AP1M1: variants seen among roughly 807,000 people sequenced by gnomAD.
AP1M1 encodes AP-1 complex subunit mu-1.
Under a neutral mutation model 57.1 loss-of-function variants are expected in AP1M1, and 18 were observed. The observed-to-expected ratio is 0.32, with a 90% confidence interval of 0.22 to 0.47. The LOEUF is 0.47. Ranked by LOEUF, AP1M1 falls within the 20% of genes least tolerant of loss-of-function variation. The pLI, the probability that AP1M1 is intolerant of heterozygous loss-of-function variation, is 1.00. For missense variants in AP1M1, 362 were observed against 593.5 expected, an observed-to-expected ratio of 0.61 and a Z score of 4.05; for synonymous variants, 241 against 237.9, an observed-to-expected ratio of 1.01 and a Z score of -0.12.
chr19:16,201,665 T>C (rs957001369), intron 1 of AP1M1, among the ~76,000 whole-genome samples: 2 of 152,206 alleles, frequency 1.3e-5, no homozygotes, highest in Admixed American at 1.3e-4. Flanking sequence ...CCCAAAGTGC[T>C]GGGATTACAG....
At position 16,227,497 on chromosome 19, in the gene AP1M1, G is replaced by T. The variant is rs1240779538; in HGVS notation, c.674-51G>T. The T allele has an allele frequency of 5.0e-6, 8 of 1,591,316 alleles. No homozygotes were observed. Among genetic ancestry groups the T allele is most frequent in the Non-Finnish European group, 6.0e-6 (7 of 1,162,260 alleles). ...TTGCAGGTGGTAGGAGTACTGCTGA[G>T]ATAGTGACCCGGAGGGCCCAGATCT... On this transcript the variant is annotated intron_variant, in intron 6 of 11. Coordinates refer to ENST00000291439, the MANE Select transcript of AP1M1 (RefSeq NM_032493.4). The surrounding 1 kb of genome is among the most constrained non-coding windows in gnomAD (Gnocchi z 6.2).
chr19:16,199,163 C>G (rs2091437296), intron 1 of AP1M1, among the ~76,000 whole-genome samples: 2 of 152,052 alleles, frequency 1.3e-5, no homozygotes, highest in African/African-American at 4.8e-5. Context: ...GGATACCCAT[C>G]TCCAAAAACA....
intron 1 of AP1M1, among the ~76,000 whole-genome samples, chr19:16,199,541 G>C (rs2091438648): frequency 6.6e-6 from 1 of 152,194 alleles, no homozygotes; most frequent in Admixed American, 6.5e-5. Context: ...AGGCGGGCAG[G>C]GGTGAGCCCT....
At chr19:16,210,616 A>G (rs1280652418) in intron 5 of AP1M1, among the ~76,000 whole-genome samples, 3 of 152,104 alleles carry the variant, frequency 2.0e-5, no homozygotes, top group African/African-American at 7.2e-5. Context: ...CTGGAGTGCA[A>G]TGGCACTATC....
intron 2 of AP1M1, among the ~76,000 whole-genome samples, chr19:16,205,761 C>G (rs2091466901): frequency 6.6e-6 from 1 of 152,202 alleles, no homozygotes; most frequent in Non-Finnish European, 1.5e-5. Context: ...ACATCTGTGC[C>G]AGACATCTCA....
At position 16,227,684 on chromosome 19, in the gene AP1M1, C is replaced by T; in HGVS notation, c.810C>T (p.Asn270=). Residue 270 remains asparagine (N), a synonymous_variant, in exon 7 of 12, where the codon AAC becomes AAT. Coordinates refer to ENST00000291439, the MANE Select transcript of AP1M1 (RefSeq NM_032493.4). This position sits in a 1 kb window ranked among gnomAD's most constrained non-coding sequence, Gnocchi z 6.2. ...TCGAGCTCATGTCCTACCGTCTCAA[C>T]ACCCACGTGAGTGCGCCACCCTGGG... The part of the protein sequence containing the change: ...GEFELMSYRL[N]THVKPLIWIE... 1 of 1,613,688 alleles carries T rather than the reference C, an allele frequency of 6.2e-7. No individual in the cohort carries two copies. The highest frequency in any genetic ancestry group is 8.5e-7 in the Non-Finnish European group (1 of 1,179,802).
intron 9 of AP1M1, among the ~76,000 whole-genome samples, chr19:16,229,797 CCTTT>C (rs1248705584): frequency 1.3e-5 from 2 of 152,212 alleles, no homozygotes; most frequent in Non-Finnish European, 2.9e-5. Flanking sequence ...TGTCTCCTCA[CCTTT>C]CTTTCTGCGT....
rs955910397 is a variant in AP1M1 at position 16,244,638 on chromosome 19, G to A, written c.*10203G>A. 2 of 151,940 alleles carry A rather than the reference G, an allele frequency of 1.3e-5. No individual in the cohort carries two copies. The highest frequency in any genetic ancestry group is 4.8e-5 in the African/African-American group (2 of 41,402). The allele number at this position is 151,940 out of a possible 1,614,324, so 9.4% of individuals were successfully genotyped here. A position where few individuals can be genotyped will look rare whatever the true frequency, so the allele number is the denominator to read the frequency against. ...GAGGTCAGGAGATCGAGACCATCCT[G>A]GCTAACACGGTGAAACCCCGTCTCT... On this transcript the variant is annotated 3_prime_UTR_variant, in exon 12 of 12. Coordinates refer to ENST00000291439, the MANE Select transcript of AP1M1 (RefSeq NM_032493.4).
chr19:16,231,559 A>G (rs1473035075), intron 9 of AP1M1, among the ~76,000 whole-genome samples: 3 of 151,994 alleles, frequency 2.0e-5, no homozygotes, highest in African/African-American at 7.2e-5. Flanking sequence ...CCTCCCAAGT[A>G]GCTAAGATTA....
In AP1M1 at chr19:16,227,775, G is replaced by C. The variant is rs1398392168; in HGVS notation, c.816+85G>C. On this transcript the variant is annotated intron_variant, in intron 7 of 11. Coordinates refer to ENST00000291439, the MANE Select transcript of AP1M1 (RefSeq NM_032493.4). The surrounding 1 kb of genome is among the most constrained non-coding windows in gnomAD (Gnocchi z 6.2). ...GAGGTGAAGCCCAGGCAGGCGCCAG[G>C]GCCAGCCCCACCCCACGCTCCATGA... The C allele has an allele frequency of 3.3e-6, 5 of 1,514,490 alleles. No homozygotes were observed. The highest frequency in any genetic ancestry group is 4.5e-6 in the Non-Finnish European group (5 of 1,111,488). 93.8% of individuals were successfully genotyped at this position (1,514,490 alleles called of 1,614,324 possible).
chr19:16,215,467 A>C (rs1313742741), intron 5 of AP1M1, among the ~76,000 whole-genome samples: 4 of 131,398 alleles, frequency 3.0e-5, no homozygotes, highest in African/African-American at 1.4e-4. Flanking sequence ...CCATCTCAAA[A>C]AAAAAAAAAA....
intron 5 of AP1M1, among the ~76,000 whole-genome samples, chr19:16,225,961 T>C (rs889358797): frequency 3.9e-5 from 6 of 152,092 alleles, no homozygotes; most frequent in African/African-American, 1.4e-4. Flanking sequence ...CACAGGGTCC[T>C]GGCCCAGGTC....
rs2091641109 is a variant in AP1M1 at position 16,240,283 on chromosome 19, T to TGTGC, written c.*5851_*5852insCGTG. On this transcript the variant is annotated 3_prime_UTR_variant, in exon 12 of 12. Transcript: ENST00000291439. Reference sequence around the variant, plus strand: ...GTGTGTGTGTGTGTGTATGTGTGTGTGTGTGTGTGTGTGTGTGTGATGTGC... The same window carrying TGTGC: ...GTGTGTGTGTGTGTGTATGTGTGTGTGTGCGTGTGTGTGTGTGTGTGTGATGTGC... 1.6e-5 allele frequency: 1 copy of TGTGC among 64,122 alleles called. No individual in the cohort carries two copies. The highest frequency in any genetic ancestry group is 1.9e-4 in the Admixed American group (1 of 5,168). 4.0% of individuals were successfully genotyped at this position (64,122 alleles called of 1,614,324 possible).
At chr19:16,220,219 T>A (rs1357614343) in intron 5 of AP1M1, among the ~76,000 whole-genome samples, 1 of 152,182 alleles carries the variant, frequency 6.6e-6, no homozygotes, top group Non-Finnish European at 1.5e-5. Context: ...AAAAGTGTTT[T>A]CTTGAGTCAG....
intron 5 of AP1M1, among the ~76,000 whole-genome samples, chr19:16,210,837 G>A (rs897990500): frequency 1.1e-4 from 17 of 152,182 alleles, no homozygotes; most frequent in Non-Finnish European, 2.2e-4. Context: ...TGGGATTACA[G>A]GTGTGAGCTA....
At chr19:16,204,444 A>T (rs1335050755) in intron 2 of AP1M1, among the ~76,000 whole-genome samples, 1 of 152,100 alleles carries the variant, frequency 6.6e-6, no homozygotes, top group African/African-American at 2.4e-5. Context: ...GCCATGGGGG[A>T]TCCCTCACCT....
chr19:16,214,553 T>C (rs975238500), intron 5 of AP1M1, among the ~76,000 whole-genome samples: 1 of 151,484 alleles, frequency 6.6e-6, no homozygotes, highest in Non-Finnish European at 1.5e-5. Flanking sequence ...AGTTACACCA[T>C]GTTGGCCAGA....
rs1312247585 is a variant in AP1M1 at position 16,237,963 on chromosome 19, TGAG to T, written c.*3532_*3534del. On this transcript the variant is annotated 3_prime_UTR_variant, in exon 12 of 12. Coordinates refer to ENST00000291439, the MANE Select transcript of AP1M1 (RefSeq NM_032493.4). ...CTCAGCCAATCCTGCCTCAGCCTCT[TGAG>T]GAGCTGGGACTACAAGCACATGCCA... The T allele has an allele frequency of 6.6e-6, 1 of 152,006 alleles. No individual in the cohort carries two copies. The highest frequency in any genetic ancestry group is 2.4e-5 in the African/African-American group (1 of 41,386). The allele number at this position is 152,006 out of a possible 1,614,324, so 9.4% of individuals were successfully genotyped here. A position where few individuals can be genotyped will look rare whatever the true frequency, so the allele number is the denominator to read the frequency against.
intron 2 of AP1M1, among the ~76,000 whole-genome samples, chr19:16,205,104 A>T (rs979547659): frequency 3.3e-5 from 5 of 152,044 alleles, no homozygotes; most frequent in African/African-American, 1.2e-4. Context: ...AAATGCTGGG[A>T]TTACAGTCGT....
Sources: allele counts gnomAD v4.1 joint callset (sites outside exome capture counted in the v4.1 genomes callset), GRCh38; gene constraint gnomAD v4.1.1; non-coding constraint Gnocchi (gnomAD v3.1); transcripts MANE v1.5; gene names NCBI Gene and HGNC (gene_info 2026-07-23, HGNC 2026-07-21).